Variants in LGSN observed in about 807,000 individuals in gnomAD.
LGSN encodes the protein lengsin, lens protein with glutamine synthetase domain.
In LGSN, 21 loss-of-function variants were observed where a neutral mutation model predicts 19.5. The ratio of observed to expected loss-of-function variants is 1.07; its 90% confidence interval spans 0.76 to 1.55. LGSN has a LOEUF of 1.55. Among genes scored for constraint, LGSN ranks in the 40% most tolerant of loss-of-function variants. LGSN has a pLI of 0.00. For missense variants in LGSN, 673 were observed against 608.5 expected (o/e 1.11, Z -1.12); for synonymous variants, 257 against 215.6 (o/e 1.19, Z -1.68).
chr6:63,501,642 G>T, the LGSN span, among the ~76,000 whole-genome samples: 21 of 151,566 alleles, frequency 1.4e-4, no homozygotes, highest in African/African-American at 4.8e-4. Context: ...TCCATTATTT[G>T]CAGCTAAAAG....
chr6:63,456,371 A>ATACTTTTTTTTTTTTTT, the LGSN span, among the ~76,000 whole-genome samples: 1 of 113,620 alleles, frequency 8.8e-6, no homozygotes, highest in Non-Finnish European at 1.9e-5. Context: ...ATATATATAT[A>ATACTTTTTTTTTTTTTT]TATATATATA....
At chr6:63,315,991 G>A (rs1741800) in intron 1 of LGSN, among the ~76,000 whole-genome samples, 2 of 151,866 alleles carry the variant, frequency 1.3e-5, no homozygotes, top group Non-Finnish European at 2.9e-5. Flanking sequence ...CAATGAATCA[G>A]AATTTTACTT....
chr6:63,412,537 A>AAG, the LGSN span, among the ~76,000 whole-genome samples: 1 of 109,494 alleles, frequency 9.1e-6, no homozygotes, highest in African/African-American at 3.8e-5. Context: ...AAGGAAAGAA[A>AAG]GAAAGAAAGA....
the LGSN span, among the ~76,000 whole-genome samples, chr6:63,429,884 T>C: frequency 2.0e-5 from 3 of 152,174 alleles, no homozygotes; most frequent in African/African-American, 7.2e-5. Flanking sequence ...TGCCTCATGA[T>C]TGCAATATAG....
At chr6:63,297,086 A>G (rs1388773207) in intron 1 of LGSN, among the ~76,000 whole-genome samples, 5 of 152,264 alleles carry the variant, frequency 3.3e-5, no homozygotes, top group African/African-American at 1.2e-4. Flanking sequence ...TCACACATGT[A>G]ATCCCAGCAC....
At chr6:63,468,800 G>A in the LGSN span, among the ~76,000 whole-genome samples, 9 of 151,096 alleles carry the variant, frequency 6.0e-5, no homozygotes, top group Admixed American at 1.3e-4. Flanking sequence ...CCAGGCTAGG[G>A]TGCAATGGCA....
chr6:63,311,734 A>G (rs1376880799), intron 1 of LGSN, among the ~76,000 whole-genome samples: 1 of 152,216 alleles, frequency 6.6e-6, no homozygotes. Context: ...ATATTTTAAA[A>G]TCCACGCACA....
chr6:63,327,109 G>A, the LGSN span, among the ~76,000 whole-genome samples: 2 of 152,198 alleles, frequency 1.3e-5, no homozygotes, highest in Non-Finnish European at 2.9e-5. Flanking sequence ...GTGAAGAAGG[G>A]GCCCTGCAGT....
the LGSN span, among the ~76,000 whole-genome samples, chr6:63,412,447 A>C: frequency 1.5e-4 from 20 of 130,416 alleles, 1 homozygote; most frequent in African/African-American, 3.3e-4. Context: ...AGAAAGCAAG[A>C]AAGAAAGAAA....
At position 63,310,577 on chromosome 6, in the gene LGSN, T is replaced by A. The variant is rs1351946295; in HGVS notation, c.30+9337A>T. 2.6e-5 allele frequency among the ~76,000 whole-genome samples: 4 copies of A among 152,186 alleles called. No individual in the cohort carries two copies. In the East Asian group the frequency reaches 7.7e-4, roughly 29 times the overall value. ...TAAAAATATAAAATATAAACTTTAT[T>A]TCTCAACATAAGCTCTATCAAGGTT... On this transcript the variant is annotated intron_variant, in intron 1 of 3. Transcript: ENST00000370657.
chr6:63,324,697 TA>T (rs879466564), upstream of LGSN, among the ~76,000 whole-genome samples: 33 of 149,310 alleles, frequency 2.2e-4, no homozygotes, highest in African/African-American at 7.4e-4. Context: ...GAGAAGAAAA[TA>T]AAAAAAAATT....
chr6:63,281,628 T>G (rs1767326587), intron 3 of LGSN, among the ~76,000 whole-genome samples: 1 of 152,038 alleles, frequency 6.6e-6, no homozygotes, highest in African/African-American at 2.4e-5. Context: ...AGATAAGGCT[T>G]TCTTTTTGCT....
chr6:63,404,125 G>C, the LGSN span, among the ~76,000 whole-genome samples: 1 of 152,068 alleles, frequency 6.6e-6, no homozygotes, highest in Non-Finnish European at 1.5e-5. Flanking sequence ...CAGCCTATGA[G>C]ACCTTAAGCG....
chr6:63,395,828 G>T, the LGSN span: 1 of 144,938 alleles, frequency 6.9e-6, no homozygotes. Context: ...GGCTGGGTGG[G>T]CACTGTGGAG....
the LGSN span, among the ~76,000 whole-genome samples, chr6:63,503,818 A>G: frequency 6.6e-6 from 1 of 152,094 alleles, no homozygotes; most frequent in Admixed American, 6.6e-5. Flanking sequence ...CAGGAGGCTG[A>G]GGTGGGAGAA....
chr6:63,300,199 C>T (rs186225746), intron 1 of LGSN, among the ~76,000 whole-genome samples: 2 of 152,286 alleles, frequency 1.3e-5, no homozygotes, highest in Non-Finnish European at 2.9e-5. Flanking sequence ...TCCAGACATC[C>T]TTTTCATAGC....
At chr6:63,458,810 A>T in the LGSN span, among the ~76,000 whole-genome samples, 4 of 152,236 alleles carry the variant, frequency 2.6e-5, no homozygotes, top group African/African-American at 9.6e-5. Flanking sequence ...TAAAACACGA[A>T]TCAAATATTT....
At chr6:63,461,858 CT>C in the LGSN span, among the ~76,000 whole-genome samples, 2 of 152,262 alleles carry the variant, frequency 1.3e-5, no homozygotes, top group East Asian at 1.9e-4. Context: ...ATGCCCAGAC[CT>C]TTTTGAATTC....
chr6:63,536,773 G>T, the LGSN span, among the ~76,000 whole-genome samples: 2 of 152,004 alleles, frequency 1.3e-5, no homozygotes, highest in Non-Finnish European at 2.9e-5. Flanking sequence ...ATTAGAAAAG[G>T]TTTTATTATA....
Sources: allele counts gnomAD v4.1 joint callset (sites outside exome capture counted in the v4.1 genomes callset), GRCh38; gene constraint gnomAD v4.1.1; transcripts MANE v1.5; gene names NCBI Gene and HGNC (gene_info 2026-07-23, HGNC 2026-07-21).